The following STARD9 variants were observed in gnomAD, a reference collection of about 807,000 sequenced individuals.
The protein encoded by STARD9 is stAR-related lipid transfer protein 9.
In STARD9, 346 loss-of-function variants were observed where a neutral mutation model predicts 399.8. That is an observed-to-expected ratio of 0.87 (90% CI 0.79 to 0.95). STARD9 has a LOEUF of 0.95. Among genes scored for constraint, STARD9 ranks in the 40% least tolerant of loss-of-function variants. STARD9 has a pLI of 0.00. For synonymous variants in STARD9, 2,203 were observed against 2,143.5 expected (o/e 1.03, Z -0.77); for missense variants, 5,832 against 5,667.5 (o/e 1.03, Z -0.93).
chr15:42,665,592 C>T (rs911854606), intron 14 of STARD9, among the ~76,000 whole-genome samples, 194 bp from the exon 15 acceptor site: 1 of 152,140 alleles, frequency 6.6e-6, no homozygotes. Context: ...GAGAATGGGG[C>T]CCTCCAGGAA....
chr15:42,718,720 C>G, intron 31 of STARD9, 32 bp from the exon 32 acceptor site: 1 of 1,535,642 alleles, frequency 6.5e-7, no homozygotes, highest in Non-Finnish European at 8.7e-7. Context: ...CCACACTACA[C>G]AGGCAGGACT....
At chr15:42,699,392 C>CTTTCTTTTTTTTTTT (rs2060911226) in intron 26 of STARD9, among the ~76,000 whole-genome samples, 1 of 113,280 alleles carries the variant, frequency 8.8e-6, no homozygotes, top group African/African-American at 4.1e-5. Context: ...TTTTTCTTTT[C>CTTTCTTTTTTTTTTT]TTTTTTTTTT....
Position 42,686,084 on chromosome 15 carries a change from C to T in STARD9, c.4506C>T (p.Ala1502=). The change falls in exon 23 of 33, where the codon GCC becomes GCT. Residue 1502 remains alanine, a synonymous_variant. Transcript: ENST00000290607. ...LLELSCPVLE[A]IGAPKPAYPY... ...AACTCTCTTGTCCTGTTTTGGAGGC[C>T]ATAGGAGCACCCAAGCCAGCTTACC... The T allele has an allele frequency of 6.5e-7, 1 of 1,537,142 alleles. No homozygotes were observed. The highest frequency in any genetic ancestry group is 1.2e-5 in the South Asian group (1 of 84,052).
chr15:42,670,726 T>G (rs1164208721), intron 16 of STARD9: 2 of 152,208 alleles, frequency 1.3e-5, no homozygotes, highest in Non-Finnish European at 1.5e-5. Context: ...ATAAGCCCTT[T>G]GGGAAGTTGT....
chr15:42,656,177 G>A (rs187967591), intron 9 of STARD9, among the ~76,000 whole-genome samples: 10 of 151,810 alleles, frequency 6.6e-5, no homozygotes, highest in Non-Finnish European at 1.2e-4. Context: ...CCCACATGGC[G>A]AAATGCTGTA....
rs976997613 is a variant in STARD9, at chr15:42,692,032, A to G, written c.10454A>G (p.Gln3485Arg). 6.5e-7 allele frequency: 1 copy of G among 1,537,274 alleles called. No homozygotes were observed. Reference sequence around the variant, plus strand: ...GAGCCTGCACGTATCAGCTGGAAGCAGTATATGTCTGGCAGTGCAGTCGAT... The same window carrying G: ...GAGCCTGCACGTATCAGCTGGAAGCGGTATATGTCTGGCAGTGCAGTCGAT... ...PEEPARISWK[Q>R]YMSGSAVDVS... The change falls in exon 23 of 33, where the codon CAG becomes CGG. Residue 3485 changes from glutamine to arginine, a missense_variant. By Grantham distance (43) the Gln-to-Arg change is conservative. Around this residue, in one of 2 missense-constraint regions of STARD9, gnomAD observed 5,828 missense variants for 5,651.1 expected, o/e 1.03. Coordinates refer to ENST00000290607, the MANE Select transcript of STARD9 (RefSeq NM_020759.3).
At position 42,588,776 on chromosome 15, in the gene STARD9, GTTTTTTTTTTTTTTTTTT is replaced by G. The variant is rs758570571; in HGVS notation, c.234+3161_234+3178del. Reference sequence around the variant, plus strand: ...TAACCCAGTTTATCCTCTTCACAGCGTTTTTTTTTTTTTTTTTTTTTTTTTTTTTTTTTTTTTTTGGAG... The same window carrying G: ...TAACCCAGTTTATCCTCTTCACAGCGTTTTTTTTTTTTTTTTTTTTTGGAG... On this transcript the variant is annotated intron_variant, in intron 3 of 32. Coordinates refer to ENST00000290607, the MANE Select transcript of STARD9 (RefSeq NM_020759.3). Among the ~76,000 whole-genome samples, 95 of 38,376 alleles carry G rather than the reference GTTTTTTTTTTTTTTTTTT, an allele frequency of 2.5e-3. 2 individuals carry two copies. Among genetic ancestry groups the G allele is most frequent in the African/African-American group, 0.011 (93 of 8,426 alleles). 25.2% of individuals were successfully genotyped at this position (38,376 alleles called of 152,430 possible).
intron 3 of STARD9, among the ~76,000 whole-genome samples, chr15:42,615,613 TA>T (rs57591767): frequency 4.0e-5 from 6 of 151,768 alleles, no homozygotes; most frequent in African/African-American, 1.4e-4. Flanking sequence ...TGTTTATGAT[TA>T]TGACTATGGG....
At chr15:42,699,870 C>A (rs1240300366) in intron 26 of STARD9, among the ~76,000 whole-genome samples, 5 of 151,986 alleles carry the variant, frequency 3.3e-5, no homozygotes, top group African/African-American at 1.2e-4. Context: ...CCACACCCAA[C>A]TAATTTTTGT....
intron 26 of STARD9, among the ~76,000 whole-genome samples, chr15:42,698,030 T>C (rs559908416): frequency 6.6e-6 from 1 of 152,330 alleles, no homozygotes. Context: ...CTATACCTTA[T>C]ATATTTTTTT....
rs1236614545 is a variant in STARD9 at position 42,694,215 on chromosome 15, A to T, written c.12637A>T (p.Thr4213Ser). 2 of 1,535,644 alleles carry T rather than the reference A, an allele frequency of 1.3e-6. No homozygotes were observed. Among genetic ancestry groups the T allele is most frequent in the South Asian group, 2.4e-5 (2 of 83,758 alleles). Residue 4213 changes from threonine (T) to serine (S), a missense_variant, in exon 23 of 33, where the codon ACA (threonine) becomes TCA (serine). Around this residue, in one of 2 missense-constraint regions of STARD9, gnomAD observed 5,828 missense variants for 5,651.1 expected, o/e 1.03. Coordinates refer to ENST00000290607, the MANE Select transcript of STARD9 (RefSeq NM_020759.3). Reference sequence around the variant, plus strand: ...GAACCTCTCACTCAGCGTGGAACTCACAGAAGCGAAACTGCACCATGGCTT... The same window carrying T: ...GAACCTCTCACTCAGCGTGGAACTCTCAGAAGCGAAACTGCACCATGGCTT... ...AQNLSLSVEL[T>S]EAKLHHGFGE...
chr15:42,616,542 G>C (rs560616590), intron 3 of STARD9, among the ~76,000 whole-genome samples: 1 of 152,300 alleles, frequency 6.6e-6, no homozygotes, highest in African/African-American at 2.4e-5. Context: ...TTCAGAGCAA[G>C]AGCTTTGTTT....
At chr15:42,704,423 A>G (rs535581090) in intron 26 of STARD9, among the ~76,000 whole-genome samples, 22 of 152,200 alleles carry the variant, frequency 1.4e-4, no homozygotes, top group South Asian at 1.2e-3. Context: ...ATGCTTTCCA[A>G]TGTGTGTCAA....
rs3742993 is a variant in STARD9, at chr15:42,691,725, A to G, written c.10147A>G (p.Asn3383Asp). ...AACATCTCTGCAGGCTGAGGACAGC[A>G]ATCAGAAAGCCTCATCTCGCTTGGA... ...ARTSLQAEDS[N>D]QKASSRLDDG... The change falls in exon 23 of 33, where the codon AAT becomes GAT. Residue 3383 changes from asparagine (N) to aspartate (D), a missense_variant. Transcript: ENST00000290607. The G allele has an allele frequency of 0.2, 313,898 of 1,537,028 alleles. 35,480 individuals are homozygous for G. The highest frequency in any genetic ancestry group is 0.37 in the South Asian group (30,977 of 84,046).
At chr15:42,605,571 G>A (rs1424797833) in intron 3 of STARD9, among the ~76,000 whole-genome samples, 1 of 152,198 alleles carries the variant, frequency 6.6e-6, no homozygotes, top group Non-Finnish European at 1.5e-5. Flanking sequence ...GTAAACAACA[G>A]TGTGTTCAAA....
intron 3 of STARD9, among the ~76,000 whole-genome samples, chr15:42,615,605 TTTATGA>T (rs1461724302): frequency 8.6e-5 from 13 of 151,614 alleles, no homozygotes; most frequent in African/African-American, 2.2e-4. Flanking sequence ...AATGTGTGTG[TTTATGA>T]TTATGACTAT....
At chr15:42,665,024 C>G (rs1244699391) in intron 13 of STARD9, among the ~76,000 whole-genome samples, 1 of 152,106 alleles carries the variant, frequency 6.6e-6, no homozygotes, top group East Asian at 1.9e-4. Flanking sequence ...GGGCCCCAGT[C>G]CTTCAGAGTT....
chr15:42,673,866 T>A (rs914370373), intron 16 of STARD9: 1 of 455,154 alleles, frequency 2.2e-6, no homozygotes, highest in African/African-American at 2.0e-5. Context: ...TACACTCTCT[T>A]CCAGTTCTTT....
chr15:42,656,325 C>A, intron 9 of STARD9, among the ~76,000 whole-genome samples: 1 of 71,650 alleles, frequency 1.4e-5, no homozygotes. Context: ...CCAGCCATCT[C>A]CTAAAAAAAA....
Sources: allele counts gnomAD v4.1 joint callset (sites outside exome capture counted in the v4.1 genomes callset), GRCh38; gene constraint gnomAD v4.1.1; regional missense constraint gnomAD v4.1.1; transcripts MANE v1.5; gene names NCBI Gene and HGNC (gene_info 2026-07-23, HGNC 2026-07-21).